Variants in AMH observed in about 807,000 individuals in gnomAD.
The protein encoded by AMH is anti-Muellerian hormone.
In AMH, 39 loss-of-function variants were observed where a neutral mutation model predicts 33.3. The ratio of observed to expected loss-of-function variants is 1.17; its 90% confidence interval spans 0.91 to 1.53. The LOEUF is 1.53. Among genes scored for constraint, AMH ranks in the 40% most tolerant of loss-of-function variants. AMH has a pLI of 0.00. For missense variants in AMH, 1,019 were observed against 799.8 expected (o/e 1.27, Z -3.30); for synonymous variants, 536 against 403.0 (o/e 1.33, Z -3.95).
At position 2,250,424 on chromosome 19, in the gene AMH, A is replaced by G. The variant is rs371874189; in HGVS notation, c.500A>G (p.Tyr167Cys). Residue 167 changes from tyrosine to cysteine, a missense_variant, in exon 2 of 5, where the codon TAC (tyrosine) becomes TGC (cysteine). Physicochemically the swap from Tyr to Cys is radical, Grantham distance 194. Transcript: ENST00000221496. ...GPPELALLVL[Y>C]PGPGPEVTVT... is the part of the protein sequence containing the mutation. ...CCAGAGCTGGCGCTGCTGGTGCTGT[A>G]CCCTGGGCCTGGCCCTGAGGTCACT... 74 of 1,562,550 alleles carry G rather than the reference A, an allele frequency of 4.7e-5. No individual in the cohort carries two copies. The highest frequency in any genetic ancestry group is 5.5e-5 in the Non-Finnish European group (63 of 1,154,690).
Position 2,249,683 on chromosome 19 carries a change from G to GCTGGGGGCCTGGCTGCGGGACC in AMH, c.359_380dup (p.Gln128LeufsTer53), listed in dbSNP as rs2024995268. 1.3e-6 allele frequency: 2 copies of GCTGGGGGCCTGGCTGCGGGACC among 1,502,390 alleles called. No individual in the cohort carries two copies. Among genetic ancestry groups the GCTGGGGGCCTGGCTGCGGGACC allele is most frequent in the Non-Finnish European group, 1.8e-6 (2 of 1,130,550 alleles). The allele number at this position is 1,502,390 out of a possible 1,614,324, so 93.1% of individuals were successfully genotyped here. On this transcript the variant is annotated frameshift_variant, in exon 1 of 5. Transcript: ENST00000221496. LOFTEE classifies it high-confidence loss of function. Reference sequence around the variant, plus strand: ...AGGCTGCCTTGCCCTCTCTACGGCGGCTGGGGGCCTGGCTGCGGGACCCTG... The same window carrying GCTGGGGGCCTGGCTGCGGGACC: ...AGGCTGCCTTGCCCTCTCTACGGCGGCTGGGGGCCTGGCTGCGGGACCCTGGGGGCCTGGCTGCGGGACCCTG...
intron 2 of AMH, 56 bp downstream of exon 2, chr19:2,250,535 T>C: frequency 1.3e-6 from 2 of 1,540,120 alleles, no homozygotes; most frequent in Non-Finnish European, 1.7e-6. Flanking sequence ...CATGGATTTG[T>C]TGCAGGGTCT....
At position 2,250,628 on chromosome 19, in the gene AMH, C is replaced by T. The variant is rs777855940; in HGVS notation, c.556-24C>T. The T allele has an allele frequency of 1.3e-5, 20 of 1,537,578 alleles. No individual in the cohort carries two copies. In the Admixed American group the frequency reaches 3.1e-4, roughly 24 times the overall value. ...GGGGCTGGGTAAGCCTCCATCCAGC[C>T]GGGCTGAGCCCTGGTCTCCGCAGAG... On this transcript the variant is annotated intron_variant, in intron 2 of 4. Transcript: ENST00000221496.
At chr19:2,249,842 G>T (rs1460695429) in intron 1 of AMH, 98 bp downstream of exon 1, 3 of 1,340,324 alleles carry the variant, frequency 2.2e-6, no homozygotes, top group Admixed American at 2.9e-5. Flanking sequence ...CCCCCACCCT[G>T]GGCAGGGAGG....
Position 2,249,669 on chromosome 19 carries a change from C to G in AMH, c.337C>G (p.Pro113Ala), listed in dbSNP as rs1374968910. ...CACCGGTGACAGGCAGGCTGCCTTG[C>G]CCTCTCTACGGCGGCTGGGGGCCTG... is the stretch of plus-strand genomic sequence containing the variant. ...CNTGDRQAAL[P>A]SLRRLGAWLR... The change falls in exon 1 of 5, where the codon CCC becomes GCC. Residue 113 changes from proline (P) to alanine (A), a missense_variant. Pro to Ala is a conservative substitution (Grantham distance 27). Coordinates refer to ENST00000221496, the MANE Select transcript of AMH (RefSeq NM_000479.5). The G allele has an allele frequency of 6.6e-7, 1 of 1,512,342 alleles. No individual in the cohort carries two copies. The highest frequency in any genetic ancestry group is 8.8e-7 in the Non-Finnish European group (1 of 1,134,578). The allele number at this position is 1,512,342 out of a possible 1,614,324, so 93.7% of individuals were successfully genotyped here. A position where few individuals can be genotyped will look rare whatever the true frequency, so the allele number is the denominator to read the frequency against.
rs1400762715 is a variant in AMH, at chr19:2,251,228, C to T, written c.954C>T (p.Asp318=). The T allele has an allele frequency of 2.7e-6, 4 of 1,502,204 alleles. No individual in the cohort carries two copies. The highest frequency in any genetic ancestry group is 4.2e-5 in the Admixed American group (2 of 47,402). 93.1% of individuals were successfully genotyped at this position (1,502,204 alleles called of 1,614,324 possible). ...ASAPRLALDP[D]ALAGFPQGLV... is the part of the protein sequence containing the mutation. Reference sequence around the variant, plus strand: ...CGCCGCGCCTGGCCCTGGATCCGGACGCGCTGGCCGGCTTCCCGCAGGGCC... The same window carrying T: ...CGCCGCGCCTGGCCCTGGATCCGGATGCGCTGGCCGGCTTCCCGCAGGGCC... Residue 318 remains aspartate, a synonymous_variant, in exon 5 of 5, where the codon GAC becomes GAT. Coordinates refer to ENST00000221496, the MANE Select transcript of AMH (RefSeq NM_000479.5).
chr19:2,250,285 C>CG (rs2025006023), intron 1 of AMH, 52 bp from the exon 2 acceptor site: 10 of 1,556,738 alleles, frequency 6.4e-6, no homozygotes, highest in South Asian at 4.7e-5. Context: ...CAAAGATTCC[C>CG]GGGGGGTGTG....
chr19:2,251,894 G>C lies in AMH; in HGVS notation c.1620G>C (p.Ser540=), dbSNP rs778719907. The change falls in exon 5 of 5, where the codon TCG becomes TCC. Residue 540 remains serine (S), a synonymous_variant. Transcript: ENST00000221496. ...CGGGCAAGCTGCTCATCAGCCTGTC[G>C]GAGGAGCGCATCAGCGCGCACCACG... ...AYAGKLLISL[S]EERISAHHVP... The C allele has an allele frequency of 3.5e-5, 55 of 1,575,126 alleles. 1 individual carries two copies. Among genetic ancestry groups the C allele is most frequent in the Admixed American group, 2.3e-4 (13 of 56,746 alleles).
chr19:2,249,755 C>T lies in AMH; in HGVS notation c.412+11C>T, dbSNP rs2024996994. 4 of 1,496,312 alleles carry T rather than the reference C, an allele frequency of 2.7e-6. No homozygotes were observed. The highest frequency in any genetic ancestry group is 2.4e-5 in the Admixed American group (1 of 42,394). 92.7% of individuals were successfully genotyped at this position (1,496,312 alleles called of 1,614,324 possible). On this transcript the variant is annotated intron_variant, in intron 1 of 4. Coordinates refer to ENST00000221496, the MANE Select transcript of AMH (RefSeq NM_000479.5). Reference sequence around the variant, plus strand: ...TACACCTGGAGGAAGGTATGTGGGGCCCAGCCCCAAGCTTGGCACCGCCGT... The same window carrying T: ...TACACCTGGAGGAAGGTATGTGGGGTCCAGCCCCAAGCTTGGCACCGCCGT...
chr19:2,249,856 T>C, intron 1 of AMH, 112 bp downstream of exon 1: 1 of 1,278,158 alleles, frequency 7.8e-7, no homozygotes, highest in Non-Finnish European at 1.0e-6. Flanking sequence ...AGGGAGGCTG[T>C]GGTCTTGTTC....
In AMH at chr19:2,251,132, C is replaced by G. The variant is rs1372298456; in HGVS notation, c.858C>G (p.Ser286Arg). Residue 286 changes from serine (S) to arginine (R), a missense_variant, in exon 5 of 5, where the codon AGC (serine) becomes AGG (arginine). Physicochemically the swap from Ser to Arg is moderately radical, Grantham distance 110. Coordinates refer to ENST00000221496, the MANE Select transcript of AMH (RefSeq NM_000479.5). ...PSAELEESPPSADPFLETLTR... is the reference protein window; with the variant it reads ...PSAELEESPPRADPFLETLTR... Reference sequence around the variant, plus strand: ...CGGAACTCGAGGAGTCGCCACCCAGCGCAGACCCCTTCCTGGAGACGCTCA... The same window carrying G: ...CGGAACTCGAGGAGTCGCCACCCAGGGCAGACCCCTTCCTGGAGACGCTCA... 5 of 1,537,594 alleles carry G rather than the reference C, an allele frequency of 3.3e-6. No individual in the cohort carries two copies. In the South Asian group the frequency reaches 3.6e-5, roughly 11 times the overall value.
chr19:2,250,821 G>C (rs1472680988), intron 3 of AMH, 28 bp from the exon 4 acceptor site: 2 of 1,546,284 alleles, frequency 1.3e-6, no homozygotes, highest in East Asian at 2.4e-5. Context: ...CCCAGCCCCT[G>C]AGCCAGCCGC....
Position 2,249,484 on chromosome 19 carries a change from A to T in AMH, c.152A>T (p.Gln51Leu). 6.2e-7 allele frequency: 1 copy of T among 1,607,146 alleles called. No individual in the cohort carries two copies. Among genetic ancestry groups the T allele is most frequent in the Non-Finnish European group, 8.5e-7 (1 of 1,177,820 alleles). The change falls in exon 1 of 5, where the codon CAA becomes CTA. Residue 51 changes from glutamine to leucine, a missense_variant. Transcript: ENST00000221496. Reference sequence around the variant, plus strand: ...TTGGACTGGCCTCCAGGCAGCCCACAAGAGCCTCTGTGCCTGGTGGCACTG... The same window carrying T: ...TTGGACTGGCCTCCAGGCAGCCCACTAGAGCCTCTGTGCCTGGTGGCACTG... Reference protein sequence around the residue: ...EDLDWPPGSPQEPLCLVALGG... With the variant: ...EDLDWPPGSPLEPLCLVALGG...
intron 1 of AMH, 158 bp downstream of exon 1, chr19:2,249,902 G>C: frequency 1.2e-6 from 1 of 853,170 alleles, no homozygotes; most frequent in South Asian, 2.0e-5. Context: ...CCTGGAAGGT[G>C]GGCACCACAC....
rs773306337 is a variant in AMH, at chr19:2,251,684, C to T, written c.1410C>T (p.Asp470=). ...GPCALRELSV[D]LRAERSVLIP... ...GCGCGCTGCGCGAGCTCAGCGTAGA[C>T]CTCCGCGCCGAGCGCTCCGTACTCA... The change falls in exon 5 of 5, where the codon GAC becomes GAT. Residue 470 remains aspartate, a synonymous_variant. Transcript: ENST00000221496. 10 of 1,611,220 alleles carry T rather than the reference C, an allele frequency of 6.2e-6. No individual in the cohort carries two copies. Among genetic ancestry groups the T allele is most frequent in the Non-Finnish European group, 8.5e-6 (10 of 1,179,388 alleles).
chr19:2,250,279 G>A (rs1000745528), intron 1 of AMH, 58 bp from the exon 2 acceptor site: 2 of 1,550,026 alleles, frequency 1.3e-6, no homozygotes, highest in Non-Finnish European at 1.7e-6. Flanking sequence ...AGATCCCAAA[G>A]ATTCCCGGGG....
chr19:2,249,366 G>T lies in AMH; in HGVS notation c.34G>T (p.Val12Leu). Residue 12 changes from valine to leucine, a missense_variant, in exon 1 of 5, where the codon GTG becomes TTG. Coordinates refer to ENST00000221496, the MANE Select transcript of AMH (RefSeq NM_000479.5). Reference protein sequence around the residue: ...RDLPLTSLALVLSALGALLGT... With the variant: ...RDLPLTSLALLLSALGALLGT... ...CCTGCCTCTCACCAGCCTGGCCCTA[G>T]TGCTGTCTGCCCTGGGGGCTCTGCT... The T allele has an allele frequency of 6.3e-7, 1 of 1,582,690 alleles. No individual in the cohort carries two copies.
chr19:2,250,587 AG>A, intron 2 of AMH, 64 bp from the exon 3 acceptor site: 1 of 1,536,880 alleles, frequency 6.5e-7, no homozygotes, highest in Non-Finnish European at 8.7e-7. Flanking sequence ...GATGGGAGGA[AG>A]GGGACCGGTA....
rs911499969 is a variant in AMH at position 2,251,358 on chromosome 19, C to T, written c.1084C>T (p.Pro362Ser). The change falls in exon 5 of 5, where the codon CCC becomes TCC. Residue 362 changes from proline (P) to serine (S), a missense_variant. Pro to Ser is a moderately conservative substitution (Grantham distance 74, BLOSUM62 -1). Transcript: ENST00000221496. ...PTAATTGDPA[P>S]LHDPTSAPWA... ...TGCGGCCACCACCGGGGATCCTGCG[C>T]CCCTGCACGACCCCACGTCGGCGCC... 278 of 1,484,884 alleles carry T rather than the reference C, an allele frequency of 1.9e-4. No homozygotes were observed. The highest frequency in any genetic ancestry group is 2.3e-4 in the Non-Finnish European group (259 of 1,124,804). 92.0% of individuals were successfully genotyped at this position (1,484,884 alleles called of 1,614,324 possible).
Sources: allele counts gnomAD v4.1 joint callset, GRCh38; gene constraint gnomAD v4.1.1; transcripts MANE v1.5; gene names NCBI Gene and HGNC (gene_info 2026-07-23, HGNC 2026-07-21).